ODAD3: variants seen among roughly 807,000 people sequenced by gnomAD.
ODAD3 encodes the protein outer dynein arm-docking complex subunit 3.
Under a neutral mutation model 70.9 loss-of-function variants are expected in ODAD3, and 57 were observed. The ratio of observed to expected loss-of-function variants is 0.80; its 90% CI spans 0.65 to 1.00. The LOEUF (loss-of-function observed/expected upper bound fraction) is 1.00. ODAD3 is among the 50% of genes least tolerant of loss of function. The pLI, the probability that ODAD3 is intolerant of heterozygous loss-of-function variation, is 0.00. For synonymous variants in ODAD3, 327 were observed against 315.9 expected (o/e 1.04, Z -0.37); for missense variants, 797 against 763.9 (o/e 1.04, Z -0.51).
rs768380802 is a variant in ODAD3, at chr19:11,435,052, G to A, written c.-36C>T. ...GGGCTGAAGGCCCCTAGGGGTTAGG[G>A]GGATAACTAGGAGTCAGTCGCCCCT... On this transcript the variant is annotated 5_prime_UTR_variant, in exon 1 of 13. Transcript: ENST00000356392. 1.9e-6 allele frequency: 3 copies of A among 1,568,726 alleles called. No individual in the cohort carries two copies. Among genetic ancestry groups the A allele is most frequent in the Non-Finnish European group, 1.7e-6 (2 of 1,160,166 alleles).
rs1039807088 is a variant in ODAD3, at chr19:11,420,689, C to T, written c.*146G>A. 3.1e-6 allele frequency: 2 copies of T among 647,266 alleles called. No homozygotes were observed. Among genetic ancestry groups the T allele is most frequent in the African/African-American group, 1.8e-5 (1 of 54,734 alleles). The allele number at this position is 647,266 out of a possible 1,614,324, so 40.1% of individuals were successfully genotyped here. A position where few individuals can be genotyped will look rare whatever the true frequency, so the allele number is the denominator to read the frequency against. ...TTACTGTGGGAACGTCTGGCCCGGC[C>T]CCTTCCTCCCCTCCGGGCGCCGCTG... On this transcript the variant is annotated 3_prime_UTR_variant, in exon 13 of 13. Coordinates refer to ENST00000356392, the MANE Select transcript of ODAD3 (RefSeq NM_145045.5).
chr19:11,421,660 C>A lies in ODAD3; in HGVS notation c.1590+17G>T, dbSNP rs750087328. ...ACTCCTAGATCTCTGGAGCTCTGCC[C>A]CATGGCTGCAGGGCACCTCGCGGTT... On this transcript the variant is annotated intron_variant, in intron 11 of 12. Coordinates refer to ENST00000356392, the MANE Select transcript of ODAD3 (RefSeq NM_145045.5). 1.2e-6 allele frequency: 2 copies of A among 1,608,156 alleles called. No homozygotes were observed. The highest frequency in any genetic ancestry group is 2.2e-5 in the South Asian group (2 of 90,584).
chr19:11,422,534 C>A lies in ODAD3; in HGVS notation c.1371G>T (p.Arg457=). ...EAKDQLERAL[R]AMQVAKDSLE... ...GGCTGTCCTTGGCCACTTGCATCGC[C>A]CGCAAGGCGCGCTCCAGCTGGTCCT... is the stretch of plus-strand genomic sequence containing the variant. Residue 457 remains arginine, a synonymous_variant, in exon 10 of 13, where the codon CGG becomes CGT. Transcript: ENST00000356392. The surrounding 1 kb of genome is among the most constrained non-coding windows in gnomAD (Gnocchi z 4.6). 2 of 1,591,800 alleles carry A rather than the reference C, an allele frequency of 1.3e-6. No individual in the cohort carries two copies. The highest frequency in any genetic ancestry group is 1.7e-6 in the Non-Finnish European group (2 of 1,170,888).
Position 11,426,701 on chromosome 19 carries a change from C to T in ODAD3, c.696G>A (p.Gln232=), listed in dbSNP as rs751201996. 2.5e-6 allele frequency: 4 copies of T among 1,613,800 alleles called. No homozygotes were observed. The East Asian group carries it at 8.9e-5, about 36-fold the overall frequency. The change falls in exon 5 of 13, where the codon CAG becomes CAA. Residue 232 remains glutamine (Q), a synonymous_variant. Transcript: ENST00000356392. ...EAEHITSVYL[Q]LKAYLMDESL... ...TCCCTACCATTAGATAGGCCTTGAGCTGCAGGTACACGCTGGTAATGTGCT... is the reference window on the plus strand; with the variant it reads ...TCCCTACCATTAGATAGGCCTTGAGTTGCAGGTACACGCTGGTAATGTGCT...
chr19:11,425,517 ATG>A (rs1448272381), intron 7 of ODAD3, among the ~76,000 whole-genome samples: 2 of 139,728 alleles, frequency 1.4e-5, no homozygotes, highest in Non-Finnish European at 3.0e-5. Context: ...GTGTGTATAT[ATG>A]TATATATGTA....
chr19:11,434,250 A>G (rs1487204800), intron 1 of ODAD3, among the ~76,000 whole-genome samples: 2 of 150,372 alleles, frequency 1.3e-5, no homozygotes, highest in Non-Finnish European at 3.0e-5. Context: ...ACGCGGGTGC[A>G]GTGGCTCACG....
intron 1 of ODAD3, chr19:11,434,410 T>TA: frequency 6.2e-6 from 1 of 162,044 alleles, no homozygotes; most frequent in Non-Finnish European, 1.4e-5. Context: ...TGGTGGCGTG[T>TA]GCCTGTAGTC....
intron 1 of ODAD3, among the ~76,000 whole-genome samples, chr19:11,433,870 T>A (rs979825150): frequency 6.6e-6 from 1 of 152,028 alleles, no homozygotes; most frequent in Non-Finnish European, 1.5e-5. Context: ...AAGTCTGCAG[T>A]GAACTGTTAT....
In ODAD3 at chr19:11,421,140, C is replaced by T. The variant is rs770142714; in HGVS notation, c.1663G>A (p.Asp555Asn). ...RIALPLATSK[D>N]KFFDEESEEE... The stretch of plus-strand genomic sequence containing the variant: ...CACCCATACTGACCAAAAAACTTGT[C>T]CTTGGAAGTGGCAAGGGGCAGGGCG... The change falls in exon 12 of 13, where the codon GAC (aspartate) becomes AAC (asparagine). Residue 555 changes from aspartate to asparagine, a missense_variant. By Grantham distance (23) the Asp-to-Asn change is conservative. Coordinates refer to ENST00000356392, the MANE Select transcript of ODAD3 (RefSeq NM_145045.5). The T allele has an allele frequency of 1.2e-6, 2 of 1,613,708 alleles. No individual in the cohort carries two copies. Among genetic ancestry groups the T allele is most frequent in the East Asian group, 2.2e-5 (1 of 44,858 alleles).
rs1265192565 is a variant in ODAD3 at position 11,426,759 on chromosome 19, A to C, written c.638T>G (p.Leu213Arg). The C allele has an allele frequency of 1.4e-5, 23 of 1,613,768 alleles. No individual in the cohort carries two copies. Among genetic ancestry groups the C allele is most frequent in the African/African-American group, 2.7e-5 (2 of 74,882 alleles). The change falls in exon 5 of 13, where the codon CTG becomes CGG. Residue 213 changes from leucine to arginine, a missense_variant. Physicochemically the swap from Leu to Arg is moderately radical, Grantham distance 102. Coordinates refer to ENST00000356392, the MANE Select transcript of ODAD3 (RefSeq NM_145045.5). ...CTGCGCCTTCATCTGGGCCTTCTCC[A>C]GGCGGTTCTCCAGGTTCCGCATGGT... ...AKTMRNLENR[L>R]EKAQMKAQEA... is the part of the protein sequence containing the mutation.
chr19:11,421,242 G>C, intron 11 of ODAD3, 30 bp from the exon 12 acceptor site: 1 of 1,597,480 alleles, frequency 6.3e-7, no homozygotes, highest in Non-Finnish European at 8.5e-7. Flanking sequence ...GAGAGAGGAA[G>C]GTGGGCGGGG....
Position 11,435,083 on chromosome 19 carries a change from G to T in ODAD3, c.-67C>A. The T allele has an allele frequency of 6.5e-7, 1 of 1,528,010 alleles. No homozygotes were observed. The highest frequency in any genetic ancestry group is 2.3e-5 in the East Asian group (1 of 43,994). The allele number at this position is 1,528,010 out of a possible 1,614,324, so 94.7% of individuals were successfully genotyped here. A position where few individuals can be genotyped will look rare whatever the true frequency, so the allele number is the denominator to read the frequency against. ...ACTAGGAGTCAGTCGCCCCTGTCAG[G>T]GATCCGTCAGCTCGGATTCCTAGGG... On this transcript the variant is annotated 5_prime_UTR_variant, in exon 1 of 13. Transcript: ENST00000356392.
At chr19:11,421,071 C>T (rs1217554262) in intron 12 of ODAD3, 57 bp downstream of exon 12, 18 of 1,594,818 alleles carry the variant, frequency 1.1e-5, no homozygotes, top group Middle Eastern at 1.7e-4. Flanking sequence ...CTGACAACCT[C>T]CTGCTACCCA....
At chr19:11,432,759 T>C (rs575041299) in intron 1 of ODAD3, among the ~76,000 whole-genome samples, 16 of 152,200 alleles carry the variant, frequency 1.1e-4, no homozygotes, top group Admixed American at 7.9e-4. Flanking sequence ...CTTGGGCTGA[T>C]TAAACTGCTT....
intron 3 of ODAD3, 110 bp from the exon 4 acceptor site, chr19:11,427,150 C>T (rs1969398564): frequency 8.1e-7 from 1 of 1,237,124 alleles, no homozygotes. Flanking sequence ...ACTCCCCTCT[C>T]CCGTTTTCTA....
upstream of ODAD3, chr19:11,435,705 G>T (rs973571335): frequency 4.8e-5 from 63 of 1,318,996 alleles, no homozygotes; most frequent in Admixed American, 7.7e-4. Context: ...CTCCGGCCTC[G>T]TGTAGGTGTG....
rs748442231 is a variant in ODAD3, at chr19:11,424,023, G to T, written c.970C>A (p.Arg324Ser). The change falls in exon 8 of 13, where the codon CGC becomes AGC. Residue 324 changes from arginine (R) to serine (S), a missense_variant. Physicochemically the swap from Arg to Ser is moderately radical, Grantham distance 110. Coordinates refer to ENST00000356392, the MANE Select transcript of ODAD3 (RefSeq NM_145045.5). The stretch of plus-strand genomic sequence containing the variant: ...TCGGACTGTAGCAGCAGGTGCTCGC[G>T]GTGGGTCTGCTCGTGGGTTGAGGTC... ...ENERMERKTH[R>S]EHLLLQSDDT... 2 of 1,608,476 alleles carry T rather than the reference G, an allele frequency of 1.2e-6. No individual in the cohort carries two copies. The highest frequency in any genetic ancestry group is 1.1e-5 in the South Asian group (1 of 91,068).
Position 11,422,540 on chromosome 19 carries a change from G to A in ODAD3, c.1365C>T (p.Ala455=), listed in dbSNP as rs1480935753. ...CCTTGGCCACTTGCATCGCCCGCAA[G>A]GCGCGCTCCAGCTGGTCCTTGGCCT... is the stretch of plus-strand genomic sequence containing the variant. ...HAEAKDQLER[A]LRAMQVAKDS... Residue 455 remains alanine, a synonymous_variant, in exon 10 of 13, where the codon GCC becomes GCT. Transcript: ENST00000356392. The surrounding 1 kb of genome is among the most constrained non-coding windows in gnomAD (Gnocchi z 4.6). The A allele has an allele frequency of 6.3e-7, 1 of 1,591,888 alleles. No homozygotes were observed. Among genetic ancestry groups the A allele is most frequent in the African/African-American group, 1.3e-5 (1 of 74,738 alleles).
At position 11,420,647 on chromosome 19, in the gene ODAD3, G is replaced by A; in HGVS notation, c.*188C>T. 1.7e-6 allele frequency: 1 copy of A among 602,594 alleles called. No homozygotes were observed. The highest frequency in any genetic ancestry group is 2.0e-5 in the South Asian group (1 of 50,224). The allele number at this position is 602,594 out of a possible 1,614,324, so 37.3% of individuals were successfully genotyped here. ...ATTGCGCAACTCTGAGGCCGGGGCG[G>A]ACCCAGCTGGGGAGATTTACTGTGG... is the stretch of plus-strand genomic sequence containing the variant. On this transcript the variant is annotated 3_prime_UTR_variant, in exon 13 of 13. Coordinates refer to ENST00000356392, the MANE Select transcript of ODAD3 (RefSeq NM_145045.5).
Sources: allele counts gnomAD v4.1 joint callset (sites outside exome capture counted in the v4.1 genomes callset), GRCh38; gene constraint gnomAD v4.1.1; non-coding constraint Gnocchi (gnomAD v3.1); transcripts MANE v1.5; gene names NCBI Gene and HGNC (gene_info 2026-07-23, HGNC 2026-07-21).